Variants in NKAIN2 observed in about 807,000 individuals in gnomAD.
NKAIN2 encodes the protein sodium/potassium-transporting ATPase subunit beta-1-interacting protein 2.
NKAIN2 carries 14 observed loss-of-function variants against 32.6 expected under a neutral mutation model. The ratio of observed to expected loss-of-function variants is 0.43; its 90% CI spans 0.28 to 0.67. The LOEUF (loss-of-function observed/expected upper bound fraction) is 0.67. Ranked by LOEUF, NKAIN2 falls within the 30% of genes least tolerant of loss-of-function variation. The pLI is 0.17. For synonymous variants in NKAIN2, 80 were observed against 87.2 expected (o/e 0.92, Z 0.46); for missense variants, 198 against 258.3 (o/e 0.77, Z 1.60).
intron 4 of NKAIN2, among the ~76,000 whole-genome samples, chr6:124,772,531 T>C (rs1328108477): frequency 2.0e-5 from 3 of 152,314 alleles, no homozygotes; most frequent in South Asian, 4.1e-4. Context: ...CTACTTCCCA[T>C]GTGCAGGCAT....
At chr6:124,193,132 T>C (rs1790114705) in intron 1 of NKAIN2, among the ~76,000 whole-genome samples, 1 of 152,212 alleles carries the variant, frequency 6.6e-6, no homozygotes, top group Non-Finnish European at 1.5e-5. Context: ...TTCTAGATTA[T>C]GTTATGGCAT....
At chr6:124,338,770 CA>C (rs199676610) in intron 2 of NKAIN2, among the ~76,000 whole-genome samples, 2 of 151,120 alleles carry the variant, frequency 1.3e-5, no homozygotes, top group African/African-American at 4.9e-5. Context: ...GCCAAATAAC[CA>C]AAAAAAAATT....
intron 3 of NKAIN2, among the ~76,000 whole-genome samples, chr6:124,544,173 C>G (rs1780007602): frequency 6.6e-6 from 1 of 152,114 alleles, no homozygotes; most frequent in Admixed American, 6.5e-5. Flanking sequence ...AGAGACCCAG[C>G]AGGGACTGGG....
At chr6:124,146,070 T>C (rs994640590) in intron 1 of NKAIN2, among the ~76,000 whole-genome samples, 2 of 152,216 alleles carry the variant, frequency 1.3e-5, no homozygotes, top group Non-Finnish European at 2.9e-5. Context: ...CTAGTTATGA[T>C]ACACTCCAGT....
At chr6:124,012,522 G>T (rs944637846) in intron 1 of NKAIN2, among the ~76,000 whole-genome samples, 39 of 152,028 alleles carry the variant, frequency 2.6e-4, no homozygotes, top group African/African-American at 8.7e-4. Flanking sequence ...TTTTAGTAGA[G>T]ACGGGGTTTC....
At chr6:124,589,339 A>G (rs1317611774) in intron 3 of NKAIN2, among the ~76,000 whole-genome samples, 2 of 152,202 alleles carry the variant, frequency 1.3e-5, no homozygotes, top group Admixed American at 1.3e-4. Context: ...AATATTCTTC[A>G]CTGTACTTAT....
intron 3 of NKAIN2, among the ~76,000 whole-genome samples, chr6:124,487,096 C>T (rs1285970434): frequency 6.6e-6 from 1 of 152,028 alleles, no homozygotes; most frequent in Non-Finnish European, 1.5e-5. Flanking sequence ...GTCATTAGTA[C>T]ATCCTGGAAA....
chr6:124,765,718 C>A (rs920885752), intron 4 of NKAIN2, among the ~76,000 whole-genome samples: 3 of 152,192 alleles, frequency 2.0e-5, no homozygotes, highest in African/African-American at 7.2e-5. Context: ...GAAGTTCCTT[C>A]TATTGTGTAC....
chr6:124,465,566 A>G (rs1403424473), intron 3 of NKAIN2, among the ~76,000 whole-genome samples: 3 of 151,726 alleles, frequency 2.0e-5, no homozygotes, highest in Non-Finnish European at 4.4e-5. Context: ...CCACCATGGC[A>G]CATGTATACC....
At chr6:124,222,813 G>A (rs779889352) in intron 1 of NKAIN2, among the ~76,000 whole-genome samples, 2 of 152,154 alleles carry the variant, frequency 1.3e-5, no homozygotes, top group East Asian at 3.9e-4. Flanking sequence ...GTAGAACATG[G>A]ACCAAGTATT....
chr6:124,807,029 CA>C (rs1780601530), intron 5 of NKAIN2, among the ~76,000 whole-genome samples: 2 of 152,124 alleles, frequency 1.3e-5, no homozygotes, highest in African/African-American at 4.8e-5. Flanking sequence ...CACTCCCACA[CA>C]TTAATAATGG....
chr6:124,625,872 C>CTCTT (rs1179447619), intron 3 of NKAIN2, among the ~76,000 whole-genome samples: 1 of 137,102 alleles, frequency 7.3e-6, no homozygotes, highest in Admixed American at 7.5e-5. Context: ...AAAGCTTCTA[C>CTCTT]TCTTTCTCCT....
At chr6:124,552,545 C>A (rs1040658372) in intron 3 of NKAIN2, among the ~76,000 whole-genome samples, 1 of 152,144 alleles carries the variant, frequency 6.6e-6, no homozygotes, top group African/African-American at 2.4e-5. Flanking sequence ...TCTAATCTGG[C>A]ATATTCTCTT....
intron 3 of NKAIN2, among the ~76,000 whole-genome samples, chr6:124,614,165 G>C (rs1782795089): frequency 6.6e-6 from 1 of 152,154 alleles, no homozygotes; most frequent in Non-Finnish European, 1.5e-5. Flanking sequence ...AGGCCAAGAA[G>C]GGTGGATAAC....
At chr6:124,660,320 T>A (rs1477867219) in intron 4 of NKAIN2, among the ~76,000 whole-genome samples, 1 of 152,206 alleles carries the variant, frequency 6.6e-6, no homozygotes, top group African/African-American at 2.4e-5. Context: ...TTAGTTTATG[T>A]GTGTATGTGT....
At chr6:124,619,706 C>A (rs372169593) in intron 3 of NKAIN2, among the ~76,000 whole-genome samples, 2 of 152,166 alleles carry the variant, frequency 1.3e-5, no homozygotes, top group East Asian at 3.9e-4. Flanking sequence ...TTGAATTATA[C>A]CTTCTACACT....
chr6:124,134,045 A>G (rs578107532), intron 1 of NKAIN2, among the ~76,000 whole-genome samples: 1 of 152,176 alleles, frequency 6.6e-6, no homozygotes, highest in African/African-American at 2.4e-5. Flanking sequence ...TCCCTGAATT[A>G]CCAGATAAAG....
chr6:124,089,672 C>T (rs1784338794), intron 1 of NKAIN2, among the ~76,000 whole-genome samples: 1 of 151,950 alleles, frequency 6.6e-6, no homozygotes, highest in African/African-American at 2.4e-5. Flanking sequence ...CTACCTCTCT[C>T]CCTTAGAAAG....
chr6:124,683,466 C>T (rs1264761359), intron 4 of NKAIN2, among the ~76,000 whole-genome samples: 1 of 152,134 alleles, frequency 6.6e-6, no homozygotes, highest in East Asian at 1.9e-4. Context: ...GTTGCTTTTC[C>T]TGCACACAGT....
Sources: gnomAD v4.1 joint callset for allele counts (sites outside exome capture counted in the v4.1 genomes callset) on GRCh38, gnomAD v4.1.1 for gene constraint, MANE v1.5 for transcripts, NCBI Gene and HGNC (gene_info 2026-07-23, HGNC 2026-07-21) for gene names.